Variants in KIF6 observed in about 807,000 individuals in gnomAD.
KIF6 encodes the protein kinesin-like protein KIF6.
KIF6 carries 106 observed loss-of-function variants against 112.7 expected under a neutral mutation model. That is an observed-to-expected ratio of 0.94 (90% confidence interval 0.80 to 1.11). The LOEUF is 1.11. Among genes scored for constraint, KIF6 ranks in the 50% least tolerant of loss-of-function variants. The pLI is 0.00. For synonymous variants in KIF6, 339 were observed against 339.9 expected, an observed-to-expected ratio of 1.00 and a Z score of 0.03; for missense variants, 929 against 964.0, an observed-to-expected ratio of 0.96 and a Z score of 0.48.
At chr6:39,636,853 G>C (rs893171431) in intron 4 of KIF6, among the ~76,000 whole-genome samples, 1 of 151,948 alleles carries the variant, frequency 6.6e-6, no homozygotes, top group Non-Finnish European at 1.5e-5. Flanking sequence ...TTTGAATATT[G>C]AAACTCCATT....
chr6:39,525,621 G>C (rs1410183037), intron 13 of KIF6, among the ~76,000 whole-genome samples: 2 of 151,990 alleles, frequency 1.3e-5, no homozygotes, highest in African/African-American at 4.8e-5. Context: ...TGGGCATGGT[G>C]GTGGGTACCT....
chr6:39,720,701 C>T lies in KIF6; in HGVS notation c.176+1G>A. On this transcript the variant is annotated splice_donor_variant, in intron 2 of 22. Transcript: ENST00000287152. LOFTEE classifies it high-confidence loss of function. ...TGAAAAAAGGAGAAAGAAAAACTTACTTAAATTTGTAGCTTTCTCGCTTAT... is the reference window on the plus strand; with the variant it reads ...TGAAAAAAGGAGAAAGAAAAACTTATTTAAATTTGTAGCTTTCTCGCTTAT... The T allele has an allele frequency of 6.6e-7, 1 of 1,508,040 alleles. No individual in the cohort carries two copies. The highest frequency in any genetic ancestry group is 1.1e-5 in the South Asian group (1 of 88,744). The allele number at this position is 1,508,040 out of a possible 1,614,324, so 93.4% of individuals were successfully genotyped here. A position where few individuals can be genotyped will look rare whatever the true frequency, so the allele number is the denominator to read the frequency against.
chr6:39,348,075 G>C (rs976742569), intron 19 of KIF6, among the ~76,000 whole-genome samples: 9 of 152,244 alleles, frequency 5.9e-5, no homozygotes, highest in African/African-American at 2.2e-4. Flanking sequence ...CAAGGCTCCT[G>C]CTGAGTGGTT....
chr6:39,584,417 T>TACAAAAACAAAAAAAAA (rs1481333003), intron 9 of KIF6, among the ~76,000 whole-genome samples: 1 of 46,064 alleles, frequency 2.2e-5, no homozygotes, highest in Non-Finnish European at 6.2e-5. Context: ...ACTCTGTCTC[T>TACAAAAACAAAAAAAAA]AAAAAAAAAA....
intron 10 of KIF6, among the ~76,000 whole-genome samples, chr6:39,565,693 C>T (rs1403054986): frequency 6.6e-6 from 1 of 152,190 alleles, no homozygotes; most frequent in Non-Finnish European, 1.5e-5. Flanking sequence ...CAAATGAAAT[C>T]CTTCTCAGTA....
chr6:39,691,075 C>G (rs573660792), intron 3 of KIF6: 1 of 152,306 alleles, frequency 6.6e-6, no homozygotes, highest in Admixed American at 6.5e-5. Context: ...CACCATTTAT[C>G]TGAAATTCAC....
chr6:39,368,755 G>A (rs1765753258), intron 16 of KIF6, among the ~76,000 whole-genome samples: 1 of 152,210 alleles, frequency 6.6e-6, no homozygotes, highest in South Asian at 2.1e-4. Flanking sequence ...CATGCCCTTG[G>A]CTGGACTAGG....
intron 7 of KIF6, among the ~76,000 whole-genome samples, chr6:39,587,130 T>G (rs74670050): frequency 0.014 from 2,089 of 152,178 alleles, 47 homozygotes; most frequent in African/African-American, 0.048. Context: ...ACTAGATAGA[T>G]GGATGGCAGA....
At chr6:39,639,073 A>G (rs1582335351) in intron 4 of KIF6, among the ~76,000 whole-genome samples, 1 of 152,102 alleles carries the variant, frequency 6.6e-6, no homozygotes, top group Admixed American at 6.6e-5. Flanking sequence ...TATATCAAAT[A>G]CTGGTAAAAC....
chr6:39,455,080 CA>C, intron 13 of KIF6, among the ~76,000 whole-genome samples: 1 of 151,800 alleles, frequency 6.6e-6, no homozygotes, highest in African/African-American at 2.4e-5. Flanking sequence ...CACAGACAAA[CA>C]AAAAGACAGC....
Position 39,342,822 on chromosome 6 carries a change from A to G in KIF6, c.2428+887T>C. 2.0e-6 allele frequency: 2 copies of G among 985,304 alleles called. No homozygotes were observed. Among genetic ancestry groups the G allele is most frequent in the Non-Finnish European group, 2.4e-6 (2 of 829,922 alleles). 61.0% of individuals were successfully genotyped at this position (985,304 alleles called of 1,614,324 possible). A position where few individuals can be genotyped will look rare whatever the true frequency, so the allele number is the denominator to read the frequency against. On this transcript the variant is annotated intron_variant, in intron 22 of 22. Coordinates refer to ENST00000287152, the MANE Select transcript of KIF6 (RefSeq NM_145027.6). The surrounding 1 kb of genome is among the most constrained non-coding windows in gnomAD (Gnocchi z 4.7). ...GGCCGGCTCTCAGTTGCGGCGCTCC[A>G]TCCATGCACAAACCTCTTCCTGCCC...
chr6:39,372,591 A>G (rs114358458), intron 16 of KIF6, among the ~76,000 whole-genome samples: 1,934 of 152,330 alleles, frequency 0.013, 48 homozygotes, highest in African/African-American at 0.044. Context: ...ATTATAAACC[A>G]TTGCAAACAC....
chr6:39,356,738 T>A (rs921652691), intron 19 of KIF6, among the ~76,000 whole-genome samples: 2 of 152,122 alleles, frequency 1.3e-5, no homozygotes, highest in Non-Finnish European at 2.9e-5. Flanking sequence ...TGCTACCCCC[T>A]GGGTTGTGTG....
intron 13 of KIF6, among the ~76,000 whole-genome samples, chr6:39,496,563 G>C (rs965591204): frequency 5.3e-5 from 8 of 152,196 alleles, no homozygotes; most frequent in African/African-American, 1.9e-4. Context: ...TTAGAGAAAA[G>C]TGACTACCCC....
At chr6:39,639,146 C>T (rs1449808845) in intron 4 of KIF6, among the ~76,000 whole-genome samples, 1 of 151,980 alleles carries the variant, frequency 6.6e-6, no homozygotes, top group Non-Finnish European at 1.5e-5. Flanking sequence ...GATAGATAAC[C>T]CTTTTTTACA....
intron 10 of KIF6, among the ~76,000 whole-genome samples, chr6:39,546,428 C>T (rs1007635146): frequency 1.4e-4 from 21 of 152,138 alleles, no homozygotes; most frequent in African/African-American, 4.3e-4. Context: ...ATACTGACTC[C>T]TTCCTCTTTG....
intron 19 of KIF6, among the ~76,000 whole-genome samples, chr6:39,356,327 AC>A (rs1477344994): frequency 4.6e-5 from 7 of 151,358 alleles, no homozygotes; most frequent in Middle Eastern, 3.4e-3. Context: ...GTGCAGTGGC[AC>A]GATCTCAGCT....
chr6:39,600,761 T>C (rs925249006), intron 6 of KIF6, among the ~76,000 whole-genome samples: 4 of 152,182 alleles, frequency 2.6e-5, no homozygotes, highest in Non-Finnish European at 5.9e-5. Flanking sequence ...AAATCCTCAT[T>C]GCATAGGCTC....
intron 3 of KIF6, among the ~76,000 whole-genome samples, chr6:39,702,791 C>G (rs1329221745): frequency 6.6e-6 from 1 of 152,112 alleles, no homozygotes; most frequent in Admixed American, 6.5e-5. Flanking sequence ...TAAATATTAG[C>G]AGAATGAATG....
Sources: gnomAD v4.1 joint callset for allele counts (sites outside exome capture counted in the v4.1 genomes callset) on GRCh38, gnomAD v4.1.1 for gene constraint, Gnocchi (gnomAD v3.1) non-coding constraint, MANE v1.5 for transcripts, NCBI Gene and HGNC (gene_info 2026-07-23, HGNC 2026-07-21) for gene names.